Variants in THSD4 observed in about 807,000 individuals in gnomAD.
THSD4 encodes thrombospondin type 1 domain containing 4.
In THSD4, 69 loss-of-function variants were observed where a neutral mutation model predicts 119.0. That is an observed-to-expected ratio of 0.58 (90% CI 0.48 to 0.71). THSD4 has a LOEUF of 0.71. THSD4 is among the 30% of genes least tolerant of loss of function. THSD4 has a pLI of 0.00. For missense variants in THSD4, 1,393 were observed against 1,391.1 expected (o/e 1.00, Z -0.02); for synonymous variants, 524 against 540.4 (o/e 0.97, Z 0.42).
At chr15:71,727,004 G>A (rs778749269) in intron 8 of THSD4, among the ~76,000 whole-genome samples, 36 of 151,416 alleles carry the variant, frequency 2.4e-4, no homozygotes, top group Non-Finnish European at 4.0e-4. Context: ...CAGGTGCCAA[G>A]GGTAGCTGAA....
At position 71,215,338 on chromosome 15, in the gene THSD4, A is replaced by C. The variant is rs1183727415; in HGVS notation, c.403A>C (p.Thr135Pro). The change falls in exon 4 of 18, where the codon ACG (threonine) becomes CCG (proline). Residue 135 changes from threonine (T) to proline (P), a missense_variant. By Grantham distance (38) the Thr-to-Pro change is conservative. Transcript: ENST00000261862. ...TACGGACGCCAGCCGCCAGGGCCCCACGGTGCTGCGAGGCAGCCGGCACCC... is the reference window on the plus strand; with the variant it reads ...TACGGACGCCAGCCGCCAGGGCCCCCCGGTGCTGCGAGGCAGCCGGCACCC... ...AGTDASRQGPTVLRGSRHPQP... is the reference protein window; with the variant it reads ...AGTDASRQGPPVLRGSRHPQP... 6.5e-7 allele frequency: 1 copy of C among 1,531,340 alleles called. No homozygotes were observed. The highest frequency in any genetic ancestry group is 8.7e-7 in the Non-Finnish European group (1 of 1,145,134). The allele number at this position is 1,531,340 out of a possible 1,614,324, so 94.9% of individuals were successfully genotyped here.
intron 6 of THSD4, among the ~76,000 whole-genome samples, chr15:71,395,908 A>AAGAGAG (rs200140156): frequency 7.6e-6 from 1 of 131,822 alleles, no homozygotes; most frequent in Non-Finnish European, 1.6e-5. Context: ...CAGTGTTTTG[A>AAGAGAG]AGAGAGACAC....
At chr15:71,483,676 T>G (rs2047769449) in intron 7 of THSD4, among the ~76,000 whole-genome samples, 1 of 152,154 alleles carries the variant, frequency 6.6e-6, no homozygotes, top group South Asian at 2.1e-4. Flanking sequence ...GGTGGTTTGC[T>G]GCACCTGTCA....
chr15:71,261,056 G>A (rs577049846), intron 6 of THSD4, among the ~76,000 whole-genome samples: 5 of 152,274 alleles, frequency 3.3e-5, no homozygotes, highest in African/African-American at 1.2e-4. Flanking sequence ...GAGCCGAGAT[G>A]GCACCATTGC....
intron 7 of THSD4, among the ~76,000 whole-genome samples, chr15:71,455,772 A>G (rs771110704): frequency 2.6e-5 from 4 of 152,204 alleles, no homozygotes; most frequent in Non-Finnish European, 4.4e-5. Flanking sequence ...GTAGATGCTG[A>G]AAGAGAAGTG....
In THSD4 at chr15:71,418,121, C is replaced by CA. The variant is rs1171332239; in HGVS notation, c.1152+6300dup. Among the ~76,000 whole-genome samples, 8 of 108,400 alleles carry CA rather than the reference C, an allele frequency of 7.4e-5. 3 individuals are homozygous for CA. Among genetic ancestry groups the CA allele is most frequent in the Non-Finnish European group, 1.6e-4 (8 of 49,212 alleles). 71.1% of individuals were successfully genotyped at this position (108,400 alleles called of 152,430 possible). Reference sequence around the variant, plus strand: ...TTTTGTATGTCGATTTTGTATTTTGCAACTTTACTGAATTTATCAATTCTA... The same window carrying CA: ...TTTTGTATGTCGATTTTGTATTTTGCAAACTTTACTGAATTTATCAATTCTA... On this transcript the variant is annotated intron_variant, in intron 7 of 17. Coordinates refer to ENST00000261862, the MANE Select transcript of THSD4 (RefSeq NM_024817.3).
In THSD4 at chr15:71,172,731, A is replaced by G. The variant is rs1476041679; in HGVS notation, c.99+17799A>G. 1.6e-3 allele frequency among the ~76,000 whole-genome samples: 155 copies of G among 97,080 alleles called. 7 individuals carry two copies. Among genetic ancestry groups the G allele is most frequent in the African/African-American group, 7.6e-3 (150 of 19,864 alleles). 63.7% of individuals were successfully genotyped at this position (97,080 alleles called of 152,430 possible). ...TATATATATATATATATATATATAT[A>G]TATGTGGACAATTGATTTTTTATAA... On this transcript the variant is annotated intron_variant, in intron 3 of 17. Coordinates refer to ENST00000261862, the MANE Select transcript of THSD4 (RefSeq NM_024817.3).
rs1321132140 is a variant in THSD4 at position 71,782,978 on chromosome 15, G to A, written c.*5604G>A. The stretch of plus-strand genomic sequence containing the variant: ...AGGTGGCTGGCGGGGACAGGGAGAG[G>A]CTGAGAGGGAAGTGGTGGCATTTAC... On this transcript the variant is annotated 3_prime_UTR_variant, in exon 18 of 18. Transcript: ENST00000261862. 6.6e-6 allele frequency: 1 copy of A among 152,312 alleles called. No homozygotes were observed. The highest frequency in any genetic ancestry group is 2.4e-5 in the African/African-American group (1 of 41,442). The allele number at this position is 152,312 out of a possible 1,614,324, so 9.4% of individuals were successfully genotyped here. A position where few individuals can be genotyped will look rare whatever the true frequency, so the allele number is the denominator to read the frequency against.
chr15:71,671,563 C>T (rs1357979842), intron 8 of THSD4, among the ~76,000 whole-genome samples: 1 of 152,220 alleles, frequency 6.6e-6, no homozygotes, highest in Non-Finnish European at 1.5e-5. Context: ...TTGCCCATGC[C>T]TGTGTCCTGA....
intron 7 of THSD4, among the ~76,000 whole-genome samples, chr15:71,499,197 G>A (rs1346094509): frequency 6.6e-5 from 10 of 152,020 alleles, no homozygotes. Context: ...CTGGTACCCA[G>A]TTGCTGTCCT....
At chr15:71,132,612 A>T (rs2141363042) in intron 1 of THSD4, among the ~76,000 whole-genome samples, 1 of 152,340 alleles carries the variant, frequency 6.6e-6, no homozygotes, top group African/African-American at 2.4e-5. Flanking sequence ...GTAGTTTCAA[A>T]CTTTCCTTAA....
intron 3 of THSD4, among the ~76,000 whole-genome samples, chr15:71,196,856 C>T (rs1178792337): frequency 1.3e-5 from 2 of 152,120 alleles, no homozygotes; most frequent in Admixed American, 6.5e-5. Flanking sequence ...AGGAAGATGG[C>T]ATCATGGTAT....
intron 4 of THSD4, among the ~76,000 whole-genome samples, chr15:71,239,481 C>G (rs1289886367): frequency 6.6e-6 from 1 of 152,148 alleles, no homozygotes; most frequent in Non-Finnish European, 1.5e-5. Flanking sequence ...AAGCTGGCCT[C>G]AGGGTCCATG....
chr15:71,650,809 A>T (rs889366029), intron 7 of THSD4, among the ~76,000 whole-genome samples: 4 of 152,212 alleles, frequency 2.6e-5, no homozygotes, highest in African/African-American at 9.6e-5. Flanking sequence ...CCTGGTGCTC[A>T]TTAAAACAGC....
chr15:71,210,863 T>C (rs971996), intron 3 of THSD4, among the ~76,000 whole-genome samples: 150,213 of 152,286 alleles, frequency 0.99, 74,125 homozygotes, highest in East Asian at 1. Flanking sequence ...TCATTCTAAC[T>C]GGGCTCCTAT....
At chr15:71,236,471 A>G (rs890222925) in intron 4 of THSD4, among the ~76,000 whole-genome samples, 15 of 152,322 alleles carry the variant, frequency 9.8e-5, no homozygotes, top group Non-Finnish European at 1.5e-4. Flanking sequence ...CTCTCACACA[A>G]TAGATGAGAC....
At chr15:71,345,878 T>G (rs1031833642) in intron 6 of THSD4, among the ~76,000 whole-genome samples, 2 of 152,156 alleles carry the variant, frequency 1.3e-5, no homozygotes, top group Non-Finnish European at 2.9e-5. Context: ...GTTCTTTTGT[T>G]TTCGGACTTA....
At chr15:71,332,434 T>G (rs557828465) in intron 6 of THSD4, among the ~76,000 whole-genome samples, 6 of 152,330 alleles carry the variant, frequency 3.9e-5, no homozygotes, top group African/African-American at 1.2e-4. Flanking sequence ...GTGTATATTC[T>G]TGGCTGTAAA....
At chr15:71,291,864 C>T (rs2044796339) in intron 6 of THSD4, among the ~76,000 whole-genome samples, 1 of 152,164 alleles carries the variant, frequency 6.6e-6, no homozygotes, top group Admixed American at 6.5e-5. Context: ...TAGTCTTCCA[C>T]CCTCCTACTC....
Sources: gnomAD v4.1 joint callset for allele counts (sites outside exome capture counted in the v4.1 genomes callset) on GRCh38, gnomAD v4.1.1 for gene constraint, MANE v1.5 for transcripts, NCBI Gene and HGNC (gene_info 2026-07-23, HGNC 2026-07-21) for gene names.